UBE2D2: variants seen among roughly 807,000 people sequenced by gnomAD.
UBE2D2 encodes ubiquitin conjugating enzyme E2 D2.
UBE2D2 carries 2 observed loss-of-function variants against 24.2 expected under a neutral mutation model. The ratio of observed to expected loss-of-function variants is 0.08; its 90% confidence interval spans 0.03 to 0.26. The LOEUF is 0.26. UBE2D2 is among the 10% of genes least tolerant of loss of function. The probability of loss-of-function intolerance (pLI) is 1.00; values close to 1 mark genes in which losing one functional copy is unlikely to be tolerated. For synonymous variants in UBE2D2, 58 were observed against 56.5 expected (o/e 1.03, Z -0.12); for missense variants, 44 against 177.6 (o/e 0.25, Z 4.28).
chr5:139,530,233 G>A (rs989842762), intron 1 of UBE2D2, among the ~76,000 whole-genome samples: 5 of 152,098 alleles, frequency 3.3e-5, no homozygotes, highest in African/African-American at 7.2e-5. Flanking sequence ...AGGACTGGAC[G>A]GCCCCCACCA....
At chr5:139,597,705 TTAAA>T (rs543863941) in intron 1 of UBE2D2, among the ~76,000 whole-genome samples, 150 of 152,358 alleles carry the variant, frequency 9.8e-4, no homozygotes, top group African/African-American at 3.3e-3. Context: ...TAGCAATGTC[TTAAA>T]TAAAGCCAGG....
chr5:139,609,684 TAA>T (rs1266903858), intron 2 of UBE2D2, among the ~76,000 whole-genome samples: 2 of 142,788 alleles, frequency 1.4e-5, no homozygotes, highest in Admixed American at 1.4e-4. Flanking sequence ...CATCTCTATT[TAA>T]AAAAAAAAAA....
chr5:139,625,275 T>A (rs1754594575), intron 6 of UBE2D2, among the ~76,000 whole-genome samples: 1 of 144,080 alleles, frequency 6.9e-6, no homozygotes, highest in Non-Finnish European at 1.5e-5. Context: ...CTGGCTAATT[T>A]GTTTTTTTTT....
chr5:139,540,632 T>C (rs1561496874), intron 1 of UBE2D2, among the ~76,000 whole-genome samples: 1 of 152,168 alleles, frequency 6.6e-6, no homozygotes, highest in African/African-American at 2.4e-5. Context: ...GCAGGTTTGA[T>C]TGTTAGCCTG....
chr5:139,608,164 G>T (rs1448079201), intron 2 of UBE2D2, among the ~76,000 whole-genome samples: 1 of 152,114 alleles, frequency 6.6e-6, no homozygotes, highest in Admixed American at 6.6e-5. Flanking sequence ...CGGCGTGGTA[G>T]CTCACGGCTG....
At chr5:139,611,750 G>T (rs909265373) in intron 2 of UBE2D2, among the ~76,000 whole-genome samples, 1 of 152,124 alleles carries the variant, frequency 6.6e-6, no homozygotes, top group Admixed American at 6.6e-5. Flanking sequence ...GCTGAAACTT[G>T]TTCACCGAAA....
chr5:139,543,787 G>A (rs1581482399), intron 1 of UBE2D2, among the ~76,000 whole-genome samples: 3 of 152,200 alleles, frequency 2.0e-5, no homozygotes, highest in Non-Finnish European at 4.4e-5. Flanking sequence ...AAAGAAGACC[G>A]ACTTCAACCA....
At chr5:139,560,840 G>C (rs1179740437), upstream of UBE2D2, among the ~76,000 whole-genome samples, 2 of 152,136 alleles carry the variant, frequency 1.3e-5, no homozygotes, top group Non-Finnish European at 2.9e-5. Flanking sequence ...TGCAACCCGA[G>C]CGGCTATGAG....
chr5:139,530,436 C>T (rs1197516851), intron 1 of UBE2D2, among the ~76,000 whole-genome samples: 1 of 152,134 alleles, frequency 6.6e-6, no homozygotes, highest in East Asian at 1.9e-4. Flanking sequence ...TAATGAATGG[C>T]CCTCTGAAAG....
At chr5:139,528,874 G>A (rs893781348) in intron 1 of UBE2D2, among the ~76,000 whole-genome samples, 10 of 152,114 alleles carry the variant, frequency 6.6e-5, no homozygotes, top group Non-Finnish European at 1.3e-4. Flanking sequence ...GGAGCTGTAC[G>A]TGGATAGGAG....
intron 1 of UBE2D2, among the ~76,000 whole-genome samples, chr5:139,584,596 G>A (rs1160478238): frequency 6.8e-6 from 1 of 147,920 alleles, no homozygotes; most frequent in Non-Finnish European, 1.5e-5. Context: ...GCAGTGGCGC[G>A]ATCTCGGCTC....
In UBE2D2 at chr5:139,546,817, T is replaced by TTCCTTC. The variant is rs1752834799; in HGVS notation, c.-64+20205_-64+20206insTCCTTC. Among the ~76,000 whole-genome samples, 7 of 138,414 alleles carry TTCCTTC rather than the reference T, an allele frequency of 5.1e-5. No homozygotes were observed. In the East Asian group the frequency reaches 6.4e-4, roughly 13 times the overall value. 90.8% of individuals were successfully genotyped at this position (138,414 alleles called of 152,430 possible). A position where few individuals can be genotyped will look rare whatever the true frequency, so the allele number is the denominator to read the frequency against. ...TTTCTTTCTTTCTTTCTTCTTTCTT[T>TTCCTTC]CTTCCTTCCTTCCTTCCTTCCTTCC... On this transcript the variant is annotated intron_variant, in intron 1 of 6. Coordinates refer to the UBE2D2 transcript ENST00000511725.
At chr5:139,592,243 C>G (rs1276667951) in intron 1 of UBE2D2, among the ~76,000 whole-genome samples, 3 of 152,010 alleles carry the variant, frequency 2.0e-5, no homozygotes, top group African/African-American at 7.2e-5. Context: ...CTGGAACACA[C>G]CTTGGCCTTC....
At chr5:139,550,568 C>G (rs561816200) in intron 1 of UBE2D2, among the ~76,000 whole-genome samples, 3 of 152,228 alleles carry the variant, frequency 2.0e-5, no homozygotes, top group East Asian at 1.9e-4. Flanking sequence ...TCCACGCTCA[C>G]GCTATGGGAG....
chr5:139,571,406 CAAA>C (rs549829203), intron 1 of UBE2D2, among the ~76,000 whole-genome samples: 1 of 88,180 alleles, frequency 1.1e-5, no homozygotes. Context: ...GACTCCCTCT[CAAA>C]AAAAAAAAAA....
chr5:139,625,669 A>G (rs1048254426), intron 6 of UBE2D2, among the ~76,000 whole-genome samples: 6 of 151,740 alleles, frequency 4.0e-5, no homozygotes, highest in Non-Finnish European at 7.4e-5. Context: ...CAGTGGCACA[A>G]TCTTGGCTCA....
intron 2 of UBE2D2, among the ~76,000 whole-genome samples, chr5:139,610,916 A>T (rs1754304377): frequency 2.0e-5 from 3 of 152,140 alleles, no homozygotes; most frequent in Admixed American, 2.0e-4. Context: ...ATGGCAGGAC[A>T]AGAGTTTAGA....
intron 5 of UBE2D2, among the ~76,000 whole-genome samples, chr5:139,615,352 G>A (rs2126702558): frequency 6.6e-6 from 1 of 152,266 alleles, no homozygotes; most frequent in African/African-American, 2.4e-5. Context: ...GGGCATGGTG[G>A]CAGGTGCCTG....
intron 1 of UBE2D2, among the ~76,000 whole-genome samples, chr5:139,578,872 TCTA>T (rs1182950965): frequency 6.6e-6 from 1 of 152,224 alleles, no homozygotes; most frequent in Non-Finnish European, 1.5e-5. Flanking sequence ...GTACCATTAT[TCTA>T]CTAAGAAGGA....
Sources: allele counts gnomAD v4.1 joint callset (sites outside exome capture counted in the v4.1 genomes callset), GRCh38; gene constraint gnomAD v4.1.1; transcripts MANE v1.5; gene names NCBI Gene and HGNC (gene_info 2026-07-23, HGNC 2026-07-21).